FANCD2: variants seen among roughly 807,000 people sequenced by gnomAD.
FANCD2 encodes the protein FA complementation group D2, also known as Fanconi anemia group D2 protein.
A neutral mutation model predicts 192.3 loss-of-function variants in FANCD2; 131 were observed. The ratio of observed to expected loss-of-function variants is 0.68; its 90% CI spans 0.59 to 0.79. The LOEUF (loss-of-function observed/expected upper bound fraction) is 0.79. FANCD2 is among the 30% of genes least tolerant of loss of function. The pLI is 0.00. For missense variants in FANCD2, 1,508 were observed against 1,701.6 expected (o/e 0.89, Z 2.00); for synonymous variants, 524 against 612.5 (o/e 0.86, Z 2.13).
rs552222077 is a variant in FANCD2 at position 10,069,625 on chromosome 3, C to T, written c.2494+2308C>T. Among the ~76,000 whole-genome samples the T allele has an allele frequency of 1.2e-4, 18 of 152,138 alleles. No homozygotes were observed. The East Asian group carries it at 2.9e-3, about 25-fold the overall frequency. ...TGCAGGCGCGCGCCGCCACGCCTGACTGGTTTTCGTACTTTTTTGGTGGAG... is the reference window on the plus strand; with the variant it reads ...TGCAGGCGCGCGCCGCCACGCCTGATTGGTTTTCGTACTTTTTTGGTGGAG... On this transcript the variant is annotated intron_variant, in intron 26 of 43. Transcript: ENST00000675286.
intron 29 of FANCD2, among the ~76,000 whole-genome samples, chr3:10,076,390 G>T (rs1693542858): frequency 6.6e-6 from 1 of 151,804 alleles, no homozygotes; most frequent in Admixed American, 6.6e-5. Flanking sequence ...GGTATACAGA[G>T]GAATTTATAG....
chr3:10,054,082 C>T (rs1160001249), intron 18 of FANCD2, among the ~76,000 whole-genome samples: 1 of 151,686 alleles, frequency 6.6e-6, no homozygotes, highest in Non-Finnish European at 1.5e-5. Context: ...TGTGGTGGCA[C>T]ACACCTGTAA....
rs2124976202 is a variant in FANCD2 at position 10,035,242 on chromosome 3, G to A, written c.438+9G>A. 1 of 1,611,416 alleles carries A rather than the reference G, an allele frequency of 6.2e-7. No homozygotes were observed. ...GGATTGACATACTGCAGGTAAGACT[G>A]TCACTTTTTCTGTGAACATTTGATG... is the stretch of plus-strand genomic sequence containing the variant. On this transcript the variant is annotated intron_variant, in intron 6 of 43. Coordinates refer to ENST00000675286, the MANE Select transcript of FANCD2 (RefSeq NM_001018115.3).
intron 20 of FANCD2, among the ~76,000 whole-genome samples, 190 bp downstream of exon 20, chr3:10,062,401 C>T (rs1483584028): frequency 2.0e-5 from 3 of 151,942 alleles, no homozygotes; most frequent in Admixed American, 6.6e-5. Context: ...CCACCACACC[C>T]GGCTAATTTT....
chr3:10,055,912 T>A (rs148404074), intron 18 of FANCD2, among the ~76,000 whole-genome samples: 17,470 of 152,198 alleles, frequency 0.11, 1,080 homozygotes, highest in African/African-American at 0.13. Flanking sequence ...GGAGTCTCAC[T>A]CTGTCGCCCA....
chr3:10,081,135 C>T lies in FANCD2; in HGVS notation c.3012C>T (p.Leu1004=). 1 of 1,614,134 alleles carries T rather than the reference C, an allele frequency of 6.2e-7. No individual in the cohort carries two copies. The highest frequency in any genetic ancestry group is 2.2e-5 in the East Asian group (1 of 44,878). ...GCCGGAATATTGGATTCTCACATCT[C>T]CAACAGAGATCTGCCCAAGAAATTG... ...KGSRNIGFSH[L]QQRSAQEIVH... The change falls in exon 31 of 44, where the codon CTC becomes CTT. Residue 1004 remains leucine, a synonymous_variant. Coordinates refer to ENST00000675286, the MANE Select transcript of FANCD2 (RefSeq NM_001018115.3).
chr3:10,035,696 C>T (rs1175385845), intron 6 of FANCD2, among the ~76,000 whole-genome samples: 2 of 152,140 alleles, frequency 1.3e-5, no homozygotes, highest in Non-Finnish European at 2.9e-5. Context: ...CCCCATTCTC[C>T]ATTTTTCCTC....
At chr3:10,040,100 T>A in intron 9 of FANCD2, 1 of 473,506 alleles carries the variant, frequency 2.1e-6, no homozygotes, top group South Asian at 2.9e-5. Context: ...AGTGGTGCGA[T>A]CTCAGCTCAC....
intron 29 of FANCD2, 94 bp from the exon 30 acceptor site, chr3:10,077,987 C>A: frequency 1.1e-6 from 1 of 871,194 alleles, no homozygotes. Context: ...TAGCTATGAT[C>A]TTGCCACTGC....
At chr3:10,084,693 C>T (rs1349324680) in intron 32 of FANCD2, among the ~76,000 whole-genome samples, 2 of 152,150 alleles carry the variant, frequency 1.3e-5, no homozygotes. Flanking sequence ...CTAATAGGCC[C>T]TCAGAATACA....
intron 8 of FANCD2, 123 bp from the exon 9 acceptor site, chr3:10,039,598 A>C: frequency 8.9e-7 from 1 of 1,118,136 alleles, no homozygotes; most frequent in Non-Finnish European, 1.3e-6. Context: ...ATTCTTTTTC[A>C]AAGTACAGAG....
rs1432083746 is a variant in FANCD2, at chr3:10,076,027, A to G, written c.2859+1354A>G. ...ATTACAGGTGTGAGCCACTGCGCCC[A>G]GCCATATCTTTTTTTTTTTTTTTTA... On this transcript the variant is annotated intron_variant, in intron 29 of 43. Transcript: ENST00000675286. 4.9e-4 allele frequency among the ~76,000 whole-genome samples: 71 copies of G among 146,296 alleles called. 1 individual carries two copies. The highest frequency in any genetic ancestry group is 7.1e-3 in the Middle Eastern group (2 of 280).
intron 14 of FANCD2, among the ~76,000 whole-genome samples, chr3:10,044,725 T>C (rs2086954198): frequency 6.6e-6 from 1 of 152,224 alleles, no homozygotes; most frequent in Non-Finnish European, 1.5e-5. Flanking sequence ...TTAAAAGCTT[T>C]CATGATGCTG....
In FANCD2 at chr3:10,076,966, G is replaced by C. The variant is rs183533956; in HGVS notation, c.2860-1115G>C. Among the ~76,000 whole-genome samples, 600 of 152,218 alleles carry C rather than the reference G, an allele frequency of 3.9e-3. 5 individuals are homozygous for C. Among genetic ancestry groups the C allele is most frequent in the Non-Finnish European group, 6.9e-3 (470 of 68,014 alleles). On this transcript the variant is annotated intron_variant, in intron 29 of 43. Coordinates refer to ENST00000675286, the MANE Select transcript of FANCD2 (RefSeq NM_001018115.3). ...GGATTTCACCACATTGGCCAGGCTG[G>C]TCTCAGACTCCTGACCTCAAATGAT...
intron 15 of FANCD2, 21 bp downstream of exon 15, chr3:10,046,744 A>G (rs772982872): frequency 3.3e-6 from 5 of 1,535,174 alleles, no homozygotes; most frequent in Non-Finnish European, 4.5e-6. Flanking sequence ...GAGACTATTG[A>G]TTTTTAATCT....
intron 6 of FANCD2, among the ~76,000 whole-genome samples, chr3:10,035,753 C>A (rs752060491): frequency 3.3e-5 from 5 of 152,188 alleles, no homozygotes; most frequent in Non-Finnish European, 7.3e-5. Flanking sequence ...TCTTCCTTTT[C>A]ACTGGAAATC....
intron 26 of FANCD2, among the ~76,000 whole-genome samples, chr3:10,069,614 G>A (rs942295978): frequency 5.9e-5 from 9 of 151,848 alleles, no homozygotes; most frequent in African/African-American, 1.5e-4. Flanking sequence ...GGCGCGCGCC[G>A]CCACGCCTGA....
At chr3:10,094,402 G>T (rs1694829907) in intron 40 of FANCD2, 39 bp downstream of exon 40, 1 of 1,538,638 alleles carries the variant, frequency 6.5e-7, no homozygotes, top group Non-Finnish European at 9.0e-7. Flanking sequence ...ATGCACTGAA[G>T]AGTTGCTCAG....
intron 40 of FANCD2, 148 bp from the exon 41 acceptor site, chr3:10,095,052 C>T: frequency 2.9e-6 from 2 of 700,580 alleles, no homozygotes; most frequent in Non-Finnish European, 5.2e-6. Flanking sequence ...GCTATTCCTC[C>T]TATTTGAGAG....
Sources: allele counts gnomAD v4.1 joint callset (sites outside exome capture counted in the v4.1 genomes callset), GRCh38; gene constraint gnomAD v4.1.1; transcripts MANE v1.5; gene names NCBI Gene and HGNC (gene_info 2026-07-23, HGNC 2026-07-21).